Variants in BBS2 observed in about 807,000 individuals in gnomAD.
BBS2 encodes the protein Bardet-Biedl syndrome 2, also known as BBSome complex member BBS2.
Under a neutral mutation model 83.0 loss-of-function variants are expected in BBS2, and 62 were observed. The ratio of observed to expected loss-of-function variants is 0.75; its 90% CI spans 0.61 to 0.92. The LOEUF is 0.92. Ranked by LOEUF, BBS2 falls within the 40% of genes least tolerant of loss-of-function variation. The pLI is 0.00. For missense variants in BBS2, 784 were observed against 901.0 expected, an observed-to-expected ratio of 0.87 and a Z score of 1.66; for synonymous variants, 303 against 326.1, an observed-to-expected ratio of 0.93 and a Z score of 0.76.
chr16:56,499,382 C>A, intron 12 of BBS2: 1 of 291,144 alleles, frequency 3.4e-6, no homozygotes, highest in Non-Finnish European at 6.7e-6. Context: ...AGGGGACTTC[C>A]CCAAGATCAC....
chr16:56,510,783 G>A (rs780955539), intron 4 of BBS2, 76 bp downstream of exon 4: 61 of 1,498,790 alleles, frequency 4.1e-5, no homozygotes, highest in Non-Finnish European at 5.7e-5. Flanking sequence ...TTACACTTCT[G>A]TCAACACTAA....
chr16:56,496,944 T>C, intron 15 of BBS2, 23 bp downstream of exon 15: 2 of 1,544,276 alleles, frequency 1.3e-6, no homozygotes, highest in Non-Finnish European at 9.0e-7. Context: ...CCTGCACCTG[T>C]ACTAACCATG....
intron 17 of BBS2, chr16:56,474,941 G>C (rs1454328814): frequency 6.2e-7 from 1 of 1,613,646 alleles, no homozygotes; most frequent in East Asian, 2.2e-5. Context: ...TCTGTACTGT[G>C]GCTGTGAAGG....
exon 18 of BBS2, chr16:56,470,526 A>G: frequency 6.2e-7 from 1 of 1,613,886 alleles, no homozygotes; most frequent in Non-Finnish European, 8.5e-7. Flanking sequence ...TTCCTGAGAT[A>G]TTGAAGGAGT....
chr16:56,519,482 T>C, intron 1 of BBS2: 1 of 486,308 alleles, frequency 2.1e-6, no homozygotes, highest in East Asian at 3.7e-5. Flanking sequence ...AGACGTCTCT[T>C]TTCTAAGCTC....
chr16:56,517,365 C>A (rs1261446674), intron 1 of BBS2, among the ~76,000 whole-genome samples: 1 of 152,210 alleles, frequency 6.6e-6, no homozygotes, highest in Non-Finnish European at 1.5e-5. Context: ...CAGCGGCTTC[C>A]TTGTGCTCCT....
In BBS2 at chr16:56,475,206, T is replaced by C. The variant is rs571514199; in HGVS notation, c.*1-4511A>G. Among the ~76,000 whole-genome samples the C allele has an allele frequency of 9.2e-5, 14 of 152,332 alleles. No individual in the cohort carries two copies. In the South Asian group the frequency reaches 2.7e-3, roughly 29 times the overall value. On this transcript the variant is annotated intron_variant, in intron 17 of 17. Transcript: ENST00000682047. ...TCCCCTAAGTGTGCTCCCAGATCTA[T>C]AGATTTTATGTAATTGCCCTTCTGG...
chr16:56,514,615 G>A lies in BBS2; in HGVS notation c.183C>T (p.Pro61=). The part of the protein sequence containing the change: ...HVSASRVFQS[P]LESDVSLLSI... ...TGAGAAGAGAAACATCAGATTCCAG[G>A]GGGCTCTGGAAGACCCTGGATGCAC... The change falls in exon 2 of 17, where the codon CCC becomes CCT. Residue 61 remains proline (P), a synonymous_variant. Transcript: ENST00000245157. 5 of 1,614,082 alleles carry A rather than the reference G, an allele frequency of 3.1e-6. No homozygotes were observed. Among genetic ancestry groups the A allele is most frequent in the Non-Finnish European group, 4.2e-6 (5 of 1,179,980 alleles).
At chr16:56,470,419 A>G (rs1291014396), downstream of BBS2, 2 of 1,388,040 alleles carry the variant, frequency 1.4e-6, no homozygotes, top group East Asian at 2.3e-5. Context: ...GCTAACGATC[A>G]GCTTTTATTC....
chr16:56,503,627 G>C (rs1462946073), intron 7 of BBS2, among the ~76,000 whole-genome samples: 1 of 152,196 alleles, frequency 6.6e-6, no homozygotes, highest in Non-Finnish European at 1.5e-5. Context: ...CACTTAAAAT[G>C]AAGATTATGA....
chr16:56,482,069 T>G (rs1410828145), downstream of BBS2, among the ~76,000 whole-genome samples: 1 of 152,184 alleles, frequency 6.6e-6, no homozygotes, highest in East Asian at 1.9e-4. Flanking sequence ...CATGAGTATT[T>G]TTAGGTCTAA....
chr16:56,508,090 A>G (rs1325929262), intron 5 of BBS2, among the ~76,000 whole-genome samples: 2 of 152,250 alleles, frequency 1.3e-5, no homozygotes, highest in African/African-American at 4.8e-5. Flanking sequence ...TTACATCATG[A>G]TAACTGTGAA....
chr16:56,510,805 T>A (rs1374181106), intron 4 of BBS2, 54 bp downstream of exon 4: 39 of 1,591,556 alleles, frequency 2.5e-5, no homozygotes, highest in African/African-American at 2.7e-5. Flanking sequence ...GTCACTGTCA[T>A]GGCAAAATTC....
At chr16:56,499,525 A>G in intron 12 of BBS2, 2 of 437,856 alleles carry the variant, frequency 4.6e-6, no homozygotes, top group Non-Finnish European at 8.5e-6. Context: ...ACCATAACGG[A>G]AAGAGAGGAA....
At chr16:56,488,983 A>G (rs1963864601) in intron 15 of BBS2, among the ~76,000 whole-genome samples, 2 of 152,070 alleles carry the variant, frequency 1.3e-5, no homozygotes, top group Non-Finnish European at 1.5e-5. Context: ...GTCTTGCTAT[A>G]TTGCCCAGGC....
chr16:56,502,717 A>C lies in BBS2; in HGVS notation c.896T>G (p.Met299Arg). Residue 299 changes from methionine (M) to arginine (R), a missense_variant, in exon 8 of 17, where the codon ATG becomes AGG. Met to Arg is a moderately conservative substitution (Grantham distance 91). Coordinates refer to ENST00000245157, the MANE Select transcript of BBS2 (RefSeq NM_031885.5). ...IAGVVEGDYR[M>R]DGHIQLICCS... ...GCAGATTAACTGTATGTGGCCATCC[A>C]TCCGGTAATCTCCCTCTACCACACC... The C allele has an allele frequency of 6.2e-7, 1 of 1,614,178 alleles. No homozygotes were observed. The highest frequency in any genetic ancestry group is 8.5e-7 in the Non-Finnish European group (1 of 1,180,038).
rs1423268594 is a variant in BBS2 at position 56,505,466 on chromosome 16, CTG to C, written c.804+482_804+483del. Among the ~76,000 whole-genome samples, 15 of 152,278 alleles carry C rather than the reference CTG, an allele frequency of 9.9e-5. No individual in the cohort carries two copies. In the East Asian group the frequency reaches 1.7e-3, roughly 18 times the overall value. On this transcript the variant is annotated intron_variant, in intron 7 of 16. Coordinates refer to ENST00000245157, the MANE Select transcript of BBS2 (RefSeq NM_031885.5). ...AAGACAATCCTGACTTGCCAAAAGA[CTG>C]TAAAAAATTCTGATTTGAAGTTAAA...
Position 56,473,355 on chromosome 16 carries a change from A to G in BBS2, c.*1-2660T>C, listed in dbSNP as rs187097784. Among the ~76,000 whole-genome samples, 19 of 152,332 alleles carry G rather than the reference A, an allele frequency of 1.2e-4. No homozygotes were observed. The East Asian group carries it at 3.7e-3, about 29-fold the overall frequency. Reference sequence around the variant, plus strand: ...TCTAGTATACTTTTTAATGCTTGCAATCTATTGGATCAGATGACCTTAACC... The same window carrying G: ...TCTAGTATACTTTTTAATGCTTGCAGTCTATTGGATCAGATGACCTTAACC... On this transcript the variant is annotated intron_variant, in intron 17 of 17. Transcript: ENST00000682047.
chr16:56,480,998 A>C (rs542086389), downstream of BBS2, among the ~76,000 whole-genome samples: 10 of 152,314 alleles, frequency 6.6e-5, no homozygotes, highest in Admixed American at 6.5e-4. Context: ...GATGGAAAAG[A>C]GGCAAAATGC....
Sources: allele counts gnomAD v4.1 joint callset (sites outside exome capture counted in the v4.1 genomes callset), GRCh38; gene constraint gnomAD v4.1.1; transcripts MANE v1.5; gene names NCBI Gene and HGNC (gene_info 2026-07-23, HGNC 2026-07-21).